Variants in SLC11A2 observed in about 807,000 individuals in gnomAD.
The protein encoded by SLC11A2 is solute carrier family 11 member 2, also known as natural resistance-associated macrophage protein 2.
A neutral mutation model predicts 68.0 loss-of-function variants in SLC11A2; 38 were observed. The observed-to-expected ratio is 0.56, with a 90% CI of 0.43 to 0.73. The LOEUF is 0.73. Among genes scored for constraint, SLC11A2 ranks in the 30% least tolerant of loss-of-function variants. The pLI, the probability that SLC11A2 is intolerant of heterozygous loss-of-function variation, is 0.00. For missense variants in SLC11A2, 517 were observed against 690.5 expected (o/e 0.75, Z 2.82); for synonymous variants, 242 against 250.6 (o/e 0.97, Z 0.32).
chr12:50,993,957 A>AC (rs1941437986), intron 11 of SLC11A2, among the ~76,000 whole-genome samples: 1 of 122,140 alleles, frequency 8.2e-6, no homozygotes, highest in Non-Finnish European at 1.6e-5. Flanking sequence ...GAGCCACTGT[A>AC]CCCCAGCCTG....
intron 5 of SLC11A2, among the ~76,000 whole-genome samples, chr12:51,003,598 A>G (rs970724825): frequency 2.7e-5 from 4 of 149,466 alleles, no homozygotes; most frequent in Non-Finnish European, 5.9e-5. Flanking sequence ...TATATATATA[A>G]TTATTATTAC....
chr12:51,019,554 A>T (rs1943894390), intron 1 of SLC11A2, among the ~76,000 whole-genome samples: 2 of 152,144 alleles, frequency 1.3e-5, no homozygotes, highest in Non-Finnish European at 2.9e-5. Context: ...TCACTTTTTT[A>T]AAATAAGAGA....
At chr12:51,025,882 G>A in intron 1 of SLC11A2, 3 of 988,162 alleles carry the variant, frequency 3.0e-6, no homozygotes, top group Non-Finnish European at 3.6e-6. Context: ...GCCCCGGAGA[G>A]CAGCCCGGCC....
intron 2 of SLC11A2, among the ~76,000 whole-genome samples, chr12:51,010,374 C>T (rs560011519): frequency 3.9e-5 from 6 of 151,934 alleles, no homozygotes; most frequent in Middle Eastern, 3.4e-3. Context: ...AAAAATTAGC[C>T]GGGCATTGTG....
intron 3 of SLC11A2, chr12:51,005,729 A>C: frequency 1.6e-6 from 2 of 1,286,692 alleles, no homozygotes; most frequent in Non-Finnish European, 2.0e-6. Context: ...ACTTCCCAAA[A>C]AGGACAAGAG....
At chr12:51,002,147 A>G (rs1452713607) in intron 5 of SLC11A2, among the ~76,000 whole-genome samples, 1 of 152,168 alleles carries the variant, frequency 6.6e-6, no homozygotes, top group African/African-American at 2.4e-5. Flanking sequence ...CAGGAGTTCA[A>G]GCCCAGCCTT....
chr12:50,961,723 C>G, the SLC11A2 span, among the ~76,000 whole-genome samples: 7 of 152,126 alleles, frequency 4.6e-5, no homozygotes. Flanking sequence ...CTAAATTAAT[C>G]TAAATTTGTT....
chr12:51,003,624 G>A (rs978605616), intron 5 of SLC11A2, among the ~76,000 whole-genome samples: 35 of 149,946 alleles, frequency 2.3e-4, no homozygotes, highest in South Asian at 1.3e-3. Context: ...AACTATTAAC[G>A]TGTATGAAGA....
At chr12:51,001,341 C>T (rs1426960894) in intron 5 of SLC11A2, among the ~76,000 whole-genome samples, 2 of 151,852 alleles carry the variant, frequency 1.3e-5, no homozygotes, top group Admixed American at 1.3e-4. Flanking sequence ...ATGATAAGAA[C>T]TTATGAACAC....
At chr12:50,958,739 G>A in the SLC11A2 span, among the ~76,000 whole-genome samples, 15 of 151,920 alleles carry the variant, frequency 9.9e-5, no homozygotes, top group South Asian at 2.1e-4. Flanking sequence ...AAAATAGGCC[G>A]GGCACAGTGG....
At position 51,004,365 on chromosome 12, in the gene SLC11A2, T is replaced by C. The variant is rs896059802; in HGVS notation, c.429+423A>G. Among the ~76,000 whole-genome samples the C allele has an allele frequency of 1.3e-4, 20 of 152,064 alleles. 1 individual carries two copies. Among genetic ancestry groups the C allele is most frequent in the Non-Finnish European group, 1.5e-5 (1 of 68,006 alleles). On this transcript the variant is annotated intron_variant, in intron 5 of 15. Transcript: ENST00000262052. ...ATCCAAAGATCTTGCCACATATAGT[T>C]TGTACTAAAAAGAAAAAAAATTACT... is the stretch of plus-strand genomic sequence containing the variant.
rs150400273 is a variant in SLC11A2, at chr12:50,999,243, T to C, written c.608-2A>G. Reference sequence around the variant, plus strand: ...AAAATGCTTCTAGCTTCCGCAAGCCTAAAGGAAAAAAGGCAGCAGTGAGCT... The same window carrying C: ...AAAATGCTTCTAGCTTCCGCAAGCCCAAAGGAAAAAAGGCAGCAGTGAGCT... On this transcript the variant is annotated splice_acceptor_variant, in intron 7 of 15. Coordinates refer to ENST00000262052, the MANE Select transcript of SLC11A2 (RefSeq NM_000617.3). LOFTEE classifies it high-confidence loss of function. 1 of 1,613,916 alleles carries C rather than the reference T, an allele frequency of 6.2e-7. No homozygotes were observed. The highest frequency in any genetic ancestry group is 8.5e-7 in the Non-Finnish European group (1 of 1,179,974).
chr12:50,980,129 A>C (rs1225213492), downstream of SLC11A2: 2 of 361,112 alleles, frequency 5.5e-6, no homozygotes, highest in African/African-American at 4.3e-5. Context: ...GGGATGCTGA[A>C]GTGGGAGGAT....
intron 5 of SLC11A2, among the ~76,000 whole-genome samples, chr12:51,004,583 G>A (rs112219636): frequency 4.6e-5 from 7 of 152,278 alleles, no homozygotes; most frequent in African/African-American, 1.7e-4. Flanking sequence ...GGAAATGCGA[G>A]TCTCAAGTTA....
At chr12:50,993,011 T>G in intron 11 of SLC11A2, 82 bp from the exon 12 acceptor site, 4 of 1,544,678 alleles carry the variant, frequency 2.6e-6, no homozygotes, top group Non-Finnish European at 3.6e-6. Flanking sequence ...CCTGTGGCAT[T>G]TCTCCCTTCT....
intron 15 of SLC11A2, 193 bp downstream of exon 15, chr12:50,990,602 G>A (rs1311742395): frequency 3.4e-6 from 2 of 596,978 alleles, no homozygotes; most frequent in Non-Finnish European, 5.9e-6. Context: ...TAGAGATGGA[G>A]TCTTACTATG....
At chr12:50,991,893 A>G (rs1047389824) in intron 13 of SLC11A2, among the ~76,000 whole-genome samples, 1 of 152,148 alleles carries the variant, frequency 6.6e-6, no homozygotes, top group Non-Finnish European at 1.5e-5. Context: ...CTTAACCTCC[A>G]CAGGACCTAG....
At chr12:50,963,423 G>A in the SLC11A2 span, among the ~76,000 whole-genome samples, 1 of 147,912 alleles carries the variant, frequency 6.8e-6, no homozygotes, top group African/African-American at 2.5e-5. Context: ...GTAGAAGCAA[G>A]GAAAATCCAG....
chr12:51,011,438 T>G (rs1943218289), intron 1 of SLC11A2, among the ~76,000 whole-genome samples: 1 of 151,584 alleles, frequency 6.6e-6, no homozygotes, highest in Non-Finnish European at 1.5e-5. Context: ...AGGCAAATAC[T>G]TTTTTAATAA....
Sources: gnomAD v4.1 joint callset for allele counts (sites outside exome capture counted in the v4.1 genomes callset) on GRCh38, gnomAD v4.1.1 for gene constraint, MANE v1.5 for transcripts, NCBI Gene and HGNC (gene_info 2026-07-23, HGNC 2026-07-21) for gene names.